Variants in RAB3GAP2 observed in about 807,000 individuals in gnomAD.
The protein encoded by RAB3GAP2 is RAB3 GTPase activating non-catalytic protein subunit 2.
A neutral mutation model predicts 185.3 loss-of-function variants in RAB3GAP2; 87 were observed. The ratio of observed to expected loss-of-function variants is 0.47; its 90% CI spans 0.39 to 0.56. The LOEUF (loss-of-function observed/expected upper bound fraction) is 0.56, where lower values mean the gene tolerates loss of function less well. Ranked by LOEUF, RAB3GAP2 falls within the 20% of genes least tolerant of loss-of-function variation. RAB3GAP2 has a pLI of 0.00. For synonymous variants in RAB3GAP2, 554 were observed against 576.1 expected (o/e 0.96, Z 0.55); for missense variants, 1,492 against 1,638.2 (o/e 0.91, Z 1.54).
At chr1:220,210,277 T>C in intron 7 of RAB3GAP2, 111 bp downstream of exon 7, 1 of 824,392 alleles carries the variant, frequency 1.2e-6, no homozygotes, top group South Asian at 1.3e-5. Context: ...CAGAGCTAAC[T>C]AACTGTGCCA....
intron 3 of RAB3GAP2, 47 bp from the exon 4 acceptor site, chr1:220,213,015 C>T: frequency 7.3e-7 from 1 of 1,366,696 alleles, no homozygotes; most frequent in Non-Finnish European, 1.0e-6. Context: ...CTATAATACA[C>T]TAAAAGAGTA....
chr1:220,269,839 A>G (rs1660301825), intron 1 of RAB3GAP2, among the ~76,000 whole-genome samples: 1 of 152,208 alleles, frequency 6.6e-6, no homozygotes, highest in Non-Finnish European at 1.5e-5. Context: ...AAGAAGACAC[A>G]TATCATATCA....
intron 23 of RAB3GAP2, 84 bp downstream of exon 23, chr1:220,171,804 AC>A (rs1265479520): frequency 2.6e-6 from 4 of 1,538,200 alleles, no homozygotes; most frequent in Non-Finnish European, 2.7e-6. Flanking sequence ...GCTCCAAAAA[AC>A]CCCCCGAAAA....
intron 1 of RAB3GAP2, chr1:220,267,715 G>A (rs1660254711): frequency 1.9e-6 from 3 of 1,566,310 alleles, no homozygotes; most frequent in South Asian, 1.1e-5. Flanking sequence ...ACTGGCTTGT[G>A]ACTGGAGACA....
Position 220,195,168 on chromosome 1 carries a change from C to G in RAB3GAP2, c.1041-1G>C. ...CTTACTTTTCCAACCAAGCCAACCA[C>G]TGAAAAGAAAGAAAACTTAGAATAT... On this transcript the variant is annotated splice_acceptor_variant, in intron 11 of 34. Transcript: ENST00000358951. LOFTEE classifies it high-confidence loss of function. 1 of 1,614,070 alleles carries G rather than the reference C, an allele frequency of 6.2e-7. No individual in the cohort carries two copies. Among genetic ancestry groups the G allele is most frequent in the Non-Finnish European group, 8.5e-7 (1 of 1,179,972 alleles).
intron 4 of RAB3GAP2, among the ~76,000 whole-genome samples, chr1:220,212,346 C>T (rs1659098983): frequency 1.3e-5 from 2 of 152,116 alleles, no homozygotes; most frequent in Non-Finnish European, 2.9e-5. Flanking sequence ...TTTTTGAATT[C>T]TTCCTTAAAT....
At chr1:220,250,874 C>T (rs1022024238) in intron 1 of RAB3GAP2, among the ~76,000 whole-genome samples, 2 of 152,222 alleles carry the variant, frequency 1.3e-5, no homozygotes, top group African/African-American at 4.8e-5. Flanking sequence ...CTTCCTCCAC[C>T]ACTGTGTTTC....
chr1:220,199,724 C>G (rs529787028), intron 9 of RAB3GAP2, among the ~76,000 whole-genome samples: 1 of 152,264 alleles, frequency 6.6e-6, no homozygotes, highest in East Asian at 1.9e-4. Context: ...AGTAAACAGT[C>G]TCATCATCCA....
At chr1:220,221,043 T>G (rs1659296245) in intron 2 of RAB3GAP2, among the ~76,000 whole-genome samples, 1 of 152,218 alleles carries the variant, frequency 6.6e-6, no homozygotes, top group Non-Finnish European at 1.5e-5. Flanking sequence ...TGAAAATAGC[T>G]GGCAGTTTTC....
At chr1:220,262,401 C>T (rs1588578) in intron 1 of RAB3GAP2, among the ~76,000 whole-genome samples, 69,238 of 151,944 alleles carry the variant, frequency 0.46, 17,838 homozygotes, top group African/African-American at 0.71. Flanking sequence ...TGTACTCACA[C>T]TGTTGTGAAA....
chr1:220,168,897 C>T (rs1658122776), intron 24 of RAB3GAP2, among the ~76,000 whole-genome samples: 1 of 152,196 alleles, frequency 6.6e-6, no homozygotes, highest in African/African-American at 2.4e-5. Flanking sequence ...TTTACCAAAA[C>T]TTTCTCAGTC....
chr1:220,212,724 C>A (rs2102881350), intron 4 of RAB3GAP2, among the ~76,000 whole-genome samples, 163 bp downstream of exon 4: 1 of 152,278 alleles, frequency 6.6e-6, no homozygotes, highest in Middle Eastern at 3.4e-3. Flanking sequence ...AACTCCTGGG[C>A]TCAAATGATC....
In RAB3GAP2 at chr1:220,151,244, G is replaced by C; in HGVS notation, c.*7C>G. The C allele has an allele frequency of 6.2e-7, 1 of 1,612,026 alleles. No homozygotes were observed. Among genetic ancestry groups the C allele is most frequent in the Non-Finnish European group, 8.5e-7 (1 of 1,178,374 alleles). On this transcript the variant is annotated 3_prime_UTR_variant, in exon 35 of 35. Transcript: ENST00000358951. The stretch of plus-strand genomic sequence containing the variant: ...CATAATTTTAGACTATTTCCAGTAG[G>C]TAAGTGTCATAAAGAAGGAAGAGAT...
intron 9 of RAB3GAP2, among the ~76,000 whole-genome samples, chr1:220,197,030 A>G (rs1658738836): frequency 6.6e-6 from 1 of 151,166 alleles, no homozygotes; most frequent in Non-Finnish European, 1.5e-5. Flanking sequence ...CCTGTCGCCC[A>G]GGCTGGAGTG....
intron 1 of RAB3GAP2, among the ~76,000 whole-genome samples, chr1:220,236,993 A>G (rs993221484): frequency 1.3e-5 from 2 of 152,216 alleles, no homozygotes; most frequent in Admixed American, 6.5e-5. Flanking sequence ...TTTATTATCA[A>G]TTACTTCCAA....
At chr1:220,159,337 A>G (rs1351239197) in intron 29 of RAB3GAP2, 49 bp downstream of exon 29, 1 of 1,476,976 alleles carries the variant, frequency 6.8e-7, no homozygotes, top group Non-Finnish European at 9.5e-7. Context: ...GTACTACATA[A>G]AAGTGTGGAA....
chr1:220,164,098 GC>G (rs1658017717), intron 27 of RAB3GAP2, among the ~76,000 whole-genome samples: 1 of 152,116 alleles, frequency 6.6e-6, no homozygotes, highest in Non-Finnish European at 1.5e-5. Context: ...ATCAGTAGTT[GC>G]CAAGGCAGCT....
intron 21 of RAB3GAP2, among the ~76,000 whole-genome samples, chr1:220,176,394 A>C (rs1242717418): frequency 1.3e-5 from 2 of 152,310 alleles, no homozygotes; most frequent in Non-Finnish European, 2.9e-5. Context: ...TCTCACAATA[A>C]GGTGGTTGAT....
chr1:220,161,363 A>G (rs962129848), intron 28 of RAB3GAP2, among the ~76,000 whole-genome samples: 4 of 152,188 alleles, frequency 2.6e-5, no homozygotes, highest in African/African-American at 9.7e-5. Context: ...TTACAGTGGT[A>G]ATTCTCTTAG....
Sources: allele counts gnomAD v4.1 joint callset (sites outside exome capture counted in the v4.1 genomes callset), GRCh38; gene constraint gnomAD v4.1.1; transcripts MANE v1.5; gene names NCBI Gene and HGNC (gene_info 2026-07-23, HGNC 2026-07-21).